The following DGKI variants were observed in gnomAD, a reference collection of about 807,000 sequenced individuals.
The protein encoded by DGKI is diacylglycerol kinase iota.
A neutral mutation model predicts 147.5 loss-of-function variants in DGKI; 55 were observed. The ratio of observed to expected loss-of-function variants is 0.37; its 90% CI spans 0.30 to 0.47. DGKI has a LOEUF of 0.47. DGKI is among the 20% of genes least tolerant of loss of function. The pLI is 1.00. For missense variants in DGKI, 1,007 were observed against 1,323.8 expected (o/e 0.76, Z 3.71); for synonymous variants, 469 against 477.1 (o/e 0.98, Z 0.22).
intron 29 of DGKI, 113 bp from the exon 30 acceptor site, chr7:137,408,108 A>G: frequency 7.6e-7 from 1 of 1,313,066 alleles, no homozygotes; most frequent in East Asian, 2.4e-5. Context: ...CCAGCCTTAG[A>G]GGACATAGAG....
intron 8 of DGKI, among the ~76,000 whole-genome samples, chr7:137,614,048 A>G (rs1004990866): frequency 9.9e-5 from 15 of 152,274 alleles, no homozygotes; most frequent in Middle Eastern, 3.4e-3. Context: ...TTTTACAGGG[A>G]GCATATTTAT....
At chr7:137,634,902 C>T (rs1317798123) in intron 6 of DGKI, among the ~76,000 whole-genome samples, 1 of 152,144 alleles carries the variant, frequency 6.6e-6, no homozygotes, top group Non-Finnish European at 1.5e-5. Flanking sequence ...AAATTGTCAT[C>T]CCATTTATGT....
At chr7:137,711,763 G>A (rs757123324) in intron 1 of DGKI, among the ~76,000 whole-genome samples, 4 of 139,664 alleles carry the variant, frequency 2.9e-5, no homozygotes, top group South Asian at 2.3e-4. Context: ...GTGCAATCTC[G>A]GCTCACTGCA....
In DGKI at chr7:137,645,461, T is replaced by C; in HGVS notation, c.804+11A>G. The C allele has an allele frequency of 6.2e-7, 1 of 1,612,162 alleles. No individual in the cohort carries two copies. The highest frequency in any genetic ancestry group is 8.5e-7 in the Non-Finnish European group (1 of 1,178,952). On this transcript the variant is annotated intron_variant, in intron 6 of 32. Transcript: ENST00000614521. Reference sequence around the variant, plus strand: ...GCCTCCTGCGAGGCCATGAGGTGGCTGGGCTCTTACCTTACCACACTGCTT... The same window carrying C: ...GCCTCCTGCGAGGCCATGAGGTGGCCGGGCTCTTACCTTACCACACTGCTT...
At position 137,797,651 on chromosome 7, in the gene DGKI, C is replaced by A. The variant is rs182623244; in HGVS notation, c.401+48811G>T. Among the ~76,000 whole-genome samples, 236 of 151,684 alleles carry A rather than the reference C, an allele frequency of 1.6e-3. 2 individuals are homozygous for A. The highest frequency in any genetic ancestry group is 5.3e-3 in the African/African-American group (221 of 41,378). The stretch of plus-strand genomic sequence containing the variant: ...TTCAAATGTAATCCTCAGAAAAAAG[C>A]AGTAATAAAGTAACTCAAAAATAGG... On this transcript the variant is annotated intron_variant, in intron 1 of 32. Coordinates refer to ENST00000614521, the MANE Select transcript of DGKI (RefSeq NM_001321708.2).
intron 1 of DGKI, among the ~76,000 whole-genome samples, chr7:137,836,924 C>G (rs1296937605): frequency 6.6e-6 from 1 of 152,144 alleles, no homozygotes; most frequent in East Asian, 1.9e-4. Context: ...ACATGGGTCT[C>G]TCTCCTCAAG....
chr7:137,624,720 T>C (rs1197570007), intron 6 of DGKI, among the ~76,000 whole-genome samples: 3 of 151,998 alleles, frequency 2.0e-5, no homozygotes, highest in Non-Finnish European at 4.4e-5. Context: ...TTCTCCTGCC[T>C]GAGCCTCCCG....
chr7:137,479,801 C>A (rs2128933193), intron 23 of DGKI, among the ~76,000 whole-genome samples: 1 of 152,240 alleles, frequency 6.6e-6, no homozygotes. Flanking sequence ...ATTCAAAATT[C>A]TCATCTGTCT....
intron 32 of DGKI, among the ~76,000 whole-genome samples, chr7:137,391,744 T>A (rs1043274855): frequency 9.2e-5 from 14 of 152,176 alleles, no homozygotes; most frequent in Non-Finnish European, 1.6e-4. Context: ...GAGGCAGGCA[T>A]TTAGATTTCT....
chr7:137,485,259 AATGAACTCTATCCCTAGGGAAG>A (rs1429253630), intron 23 of DGKI, 93 bp downstream of exon 23: 1 of 824,654 alleles, frequency 1.2e-6, no homozygotes, highest in African/African-American at 1.8e-5. Context: ...AGATTCTTAG[AATGAACTCTATCCCTAGGGAAG>A]ATGTGAACTC....
intron 10 of DGKI, among the ~76,000 whole-genome samples, chr7:137,604,755 A>T (rs1224799036): frequency 6.6e-5 from 10 of 152,204 alleles, no homozygotes. Flanking sequence ...TCACTGGAAG[A>T]GAAAGTCATG....
Position 137,506,117 on chromosome 7 carries a change from T to C in DGKI, c.2248+15749A>G. On this transcript the variant is annotated intron_variant, in intron 21 of 32. Coordinates refer to ENST00000614521, the MANE Select transcript of DGKI (RefSeq NM_001321708.2). ...CATCAGCTCCTTGGTATTTACCCAA[T>C]GGAGTTGAAAATTATGTCCACATAA... Among the ~76,000 whole-genome samples the C allele has an allele frequency of 2.0e-5, 3 of 152,316 alleles. No individual in the cohort carries two copies. In the Middle Eastern group the frequency reaches 0.01, roughly 518 times the overall value.
intron 1 of DGKI, among the ~76,000 whole-genome samples, chr7:137,760,879 T>C (rs745986197): frequency 1.4e-4 from 21 of 152,180 alleles, no homozygotes; most frequent in Admixed American, 1.1e-3. Context: ...AGGGACGACA[T>C]TTCCATCTCT....
At chr7:137,569,139 T>C (rs1818693435) in intron 19 of DGKI, among the ~76,000 whole-genome samples, 1 of 152,060 alleles carries the variant, frequency 6.6e-6, no homozygotes, top group Non-Finnish European at 1.5e-5. Flanking sequence ...CAGGGAAGGC[T>C]AGAGAACCAG....
At chr7:137,521,841 A>C (rs1274021539) in intron 21 of DGKI, 25 bp downstream of exon 21, 7 of 1,536,510 alleles carry the variant, frequency 4.6e-6, no homozygotes, top group African/African-American at 4.1e-5. Context: ...GATCGCATGA[A>C]ATCAATGAGG....
rs541447815 is a variant in DGKI, at chr7:137,449,614, A to G, written c.2736-5512T>C. ...CATGACCTCAAAAGTACAGGCAACA[A>G]AAGCGAAAATAGAGAAATGCGATTA... On this transcript the variant is annotated intron_variant, in intron 27 of 32. Transcript: ENST00000614521. 2.0e-5 allele frequency among the ~76,000 whole-genome samples: 3 copies of G among 152,312 alleles called. No individual in the cohort carries two copies. In the South Asian group the frequency reaches 6.2e-4, roughly 32 times the overall value.
intron 19 of DGKI, among the ~76,000 whole-genome samples, chr7:137,559,229 G>A (rs955599408): frequency 2.0e-5 from 3 of 150,050 alleles, no homozygotes; most frequent in Admixed American, 6.6e-5. Flanking sequence ...CCGCCACTAC[G>A]CCCGGCTAAT....
chr7:137,640,723 G>A (rs1339241866), intron 6 of DGKI, among the ~76,000 whole-genome samples: 5 of 152,104 alleles, frequency 3.3e-5, no homozygotes, highest in African/African-American at 1.2e-4. Context: ...TATCCCAACT[G>A]CACTCCCATG....
At chr7:137,716,417 G>A (rs1794378271) in intron 1 of DGKI, among the ~76,000 whole-genome samples, 1 of 152,124 alleles carries the variant, frequency 6.6e-6, no homozygotes, top group Non-Finnish European at 1.5e-5. Flanking sequence ...AAATTCTATT[G>A]CTGTAACAAC....
Sources: gnomAD v4.1 joint callset for allele counts (sites outside exome capture counted in the v4.1 genomes callset) on GRCh38, gnomAD v4.1.1 for gene constraint, MANE v1.5 for transcripts, NCBI Gene and HGNC (gene_info 2026-07-23, HGNC 2026-07-21) for gene names.